Variants in ATAD2B observed in about 807,000 individuals in gnomAD.
The protein encoded by ATAD2B is ATPase family AAA domain-containing protein 2B.
ATAD2B carries 40 observed loss-of-function variants against 167.6 expected under a neutral mutation model. The observed-to-expected ratio is 0.24, with a 90% CI of 0.19 to 0.31. The LOEUF (loss-of-function observed/expected upper bound fraction) is 0.31. Ranked by LOEUF, ATAD2B falls within the 10% of genes least tolerant of loss-of-function variation. ATAD2B has a pLI of 1.00. For missense variants in ATAD2B, 1,242 were observed against 1,757.2 expected, an observed-to-expected ratio of 0.71 and a Z score of 5.24; for synonymous variants, 579 against 596.5, an observed-to-expected ratio of 0.97 and a Z score of 0.43.
intron 8 of ATAD2B, among the ~76,000 whole-genome samples, chr2:23,875,152 C>T (rs1436846323): frequency 2.6e-5 from 4 of 151,550 alleles, no homozygotes; most frequent in Non-Finnish European, 4.4e-5. Context: ...TTAGATTCAA[C>T]TCTGCTAAGA....
chr2:23,730,584 T>C, the ATAD2B span, among the ~76,000 whole-genome samples: 1 of 136,624 alleles, frequency 7.3e-6, no homozygotes, highest in African/African-American at 2.8e-5. Flanking sequence ...GAGAATGGCG[T>C]GAACCTGGGA....
chr2:23,714,398 C>T, the ATAD2B span, among the ~76,000 whole-genome samples: 2 of 120,724 alleles, frequency 1.7e-5, no homozygotes, highest in Admixed American at 9.3e-5. Flanking sequence ...CACCACCACG[C>T]CCGGCAAATT....
the ATAD2B span, among the ~76,000 whole-genome samples, chr2:23,743,349 T>C: frequency 1.0e-3 from 156 of 152,062 alleles, no homozygotes; most frequent in African/African-American, 3.7e-3. Flanking sequence ...GGTGGATCAT[T>C]TGAGGTCAGG....
the ATAD2B span, among the ~76,000 whole-genome samples, chr2:23,692,498 A>G: frequency 6.6e-6 from 1 of 152,234 alleles, no homozygotes; most frequent in African/African-American, 2.4e-5. Context: ...TGGGGTGTGG[A>G]GTGCAGAGAG....
the ATAD2B span, among the ~76,000 whole-genome samples, chr2:23,719,754 G>C: frequency 6.6e-6 from 1 of 152,146 alleles, no homozygotes; most frequent in South Asian, 2.1e-4. Context: ...CAGGAGTCCT[G>C]TCCTTATCTT....
intron 17 of ATAD2B, among the ~76,000 whole-genome samples, chr2:23,811,784 A>G (rs1685633987): frequency 1.3e-5 from 2 of 152,156 alleles, no homozygotes; most frequent in South Asian, 4.1e-4. Flanking sequence ...TTGTTTATAA[A>G]TTAATCTGTT....
intron 22 of ATAD2B, among the ~76,000 whole-genome samples, chr2:23,779,440 G>A (rs1679668977): frequency 6.6e-6 from 1 of 151,970 alleles, no homozygotes; most frequent in African/African-American, 2.4e-5. Flanking sequence ...CTCCCAAAGT[G>A]CTGGGATTAC....
intron 6 of ATAD2B, among the ~76,000 whole-genome samples, chr2:23,881,888 T>C (rs144186104): frequency 1.4e-3 from 214 of 152,062 alleles, no homozygotes; most frequent in African/African-American, 5.1e-3. Flanking sequence ...CATGCTTGGC[T>C]AATTTTGTAT....
intron 15 of ATAD2B, among the ~76,000 whole-genome samples, chr2:23,825,459 CTA>C (rs1278186228): frequency 1.3e-5 from 2 of 152,104 alleles, no homozygotes; most frequent in African/African-American, 2.4e-5. Context: ...AAATTTACCA[CTA>C]GTGTCTCGTT....
chr2:23,925,795 A>G (rs1367446291), intron 1 of ATAD2B, among the ~76,000 whole-genome samples: 1 of 152,186 alleles, frequency 6.6e-6, no homozygotes, highest in Non-Finnish European at 1.5e-5. Flanking sequence ...GTCCCATAAC[A>G]AAAATGTAGA....
chr2:23,906,146 C>T (rs1166790605), intron 1 of ATAD2B, among the ~76,000 whole-genome samples: 4 of 151,776 alleles, frequency 2.6e-5, no homozygotes, highest in African/African-American at 4.8e-5. Context: ...AGACTAGCCT[C>T]GCCAACATGG....
downstream of ATAD2B, among the ~76,000 whole-genome samples, chr2:23,748,057 T>C (rs756854518): frequency 6.6e-6 from 1 of 152,160 alleles, no homozygotes; most frequent in Admixed American, 6.6e-5. Flanking sequence ...GTTGAAATTA[T>C]AGAATCTGAA....
chr2:23,819,819 T>C lies in ATAD2B; in HGVS notation c.2195A>G (p.Asn732Ser), dbSNP rs62125899. Residue 732 changes from asparagine (N) to serine (S), a missense_variant, in exon 17 of 28, where the codon AAT becomes AGT. Asn to Ser is a conservative substitution (Grantham distance 46). Transcript: ENST00000238789. ...TTTCTTTGGTGATCCTGAGTGACAATTGGTCTCAAAAATTGATAAAGCATT... is the reference window on the plus strand; with the variant it reads ...TTTCTTTGGTGATCCTGAGTGACAACTGGTCTCAAAAATTGATAAAGCATT... ...DENALSIFET[N>S]CHSGSPKKQS... The C allele has an allele frequency of 0.029, 46,038 of 1,602,736 alleles. 791 individuals carry two copies. The highest frequency in any genetic ancestry group is 0.031 in the Non-Finnish European group (36,168 of 1,170,234).
intron 1 of ATAD2B, among the ~76,000 whole-genome samples, chr2:23,899,942 G>C (rs1024957419): frequency 3.2e-3 from 111 of 35,052 alleles, no homozygotes; most frequent in African/African-American, 0.012. Flanking sequence ...TTTTTTTTTT[G>C]AGACAGAGTC....
intron 15 of ATAD2B, among the ~76,000 whole-genome samples, chr2:23,827,286 T>C (rs552857186): frequency 6.6e-6 from 1 of 152,150 alleles, no homozygotes; most frequent in South Asian, 2.1e-4. Context: ...AATTATACCA[T>C]GAAAATTTTA....
chr2:23,745,327 A>G (rs543075079), downstream of ATAD2B, among the ~76,000 whole-genome samples: 10 of 145,858 alleles, frequency 6.9e-5, no homozygotes, highest in South Asian at 4.6e-4. Flanking sequence ...GCAAGCGAGA[A>G]AGAGAGAAAG....
chr2:23,833,621 G>A (rs569924007), intron 14 of ATAD2B, among the ~76,000 whole-genome samples: 1 of 152,252 alleles, frequency 6.6e-6, no homozygotes, highest in East Asian at 1.9e-4. Flanking sequence ...TGGCTAACTA[G>A]GGACACAGAA....
intron 12 of ATAD2B, among the ~76,000 whole-genome samples, chr2:23,861,021 A>T (rs927339232): frequency 6.6e-6 from 1 of 152,028 alleles, no homozygotes; most frequent in African/African-American, 2.4e-5. Context: ...GGTTTTGGGG[A>T]AAAAAAGTTA....
At chr2:23,924,346 T>G (rs927089060) in intron 1 of ATAD2B, among the ~76,000 whole-genome samples, 2 of 152,170 alleles carry the variant, frequency 1.3e-5, no homozygotes, top group Admixed American at 1.3e-4. Flanking sequence ...CAAATGAGAC[T>G]TTACAGACAC....
Sources: gnomAD v4.1 joint callset for allele counts (sites outside exome capture counted in the v4.1 genomes callset) on GRCh38, gnomAD v4.1.1 for gene constraint, MANE v1.5 for transcripts, NCBI Gene and HGNC (gene_info 2026-07-23, HGNC 2026-07-21) for gene names.